Variants in LSM14A observed in about 807,000 individuals in gnomAD.
LSM14A encodes the protein LSM14A mRNA processing body assembly factor.
In LSM14A, 14 loss-of-function variants were observed where a neutral mutation model predicts 52.4. That is an observed-to-expected ratio of 0.27 (90% confidence interval 0.18 to 0.42). The LOEUF (loss-of-function observed/expected upper bound fraction) is 0.42, where lower values mean the gene tolerates loss of function less well. Ranked by LOEUF, LSM14A falls within the 10% of genes least tolerant of loss-of-function variation. The pLI is 1.00. For missense variants in LSM14A, 417 were observed against 581.8 expected (o/e 0.72, Z 2.91); for synonymous variants, 185 against 200.3 (o/e 0.92, Z 0.64).
In LSM14A at chr19:34,172,585, C is replaced by G; in HGVS notation, c.-58C>G. 6.7e-7 allele frequency: 1 copy of G among 1,491,870 alleles called. No individual in the cohort carries two copies. Among genetic ancestry groups the G allele is most frequent in the Non-Finnish European group, 8.9e-7 (1 of 1,121,654 alleles). 92.4% of individuals were successfully genotyped at this position (1,491,870 alleles called of 1,614,324 possible). On this transcript the variant is annotated 5_prime_UTR_variant, in exon 1 of 10. Coordinates refer to ENST00000544216, the MANE Select transcript of LSM14A (RefSeq NM_015578.4). The stretch of plus-strand genomic sequence containing the variant: ...GGAGCGAGCGGGCGTGCGGAGCGGG[C>G]GACAGTGGCGTGGGATCTGCCTCTC...
rs116287946 is a variant in LSM14A at position 34,200,804 on chromosome 19, G to A, written c.415+4041G>A. Among the ~76,000 whole-genome samples, 638 of 152,264 alleles carry A rather than the reference G, an allele frequency of 4.2e-3. 7 individuals carry two copies. The highest frequency in any genetic ancestry group is 0.015 in the African/African-American group (604 of 41,552). Reference sequence around the variant, plus strand: ...AATCAAGATATACTGTATGTTAACTGTAACTTAGAATCCTTTCCTGGGGAT... The same window carrying A: ...AATCAAGATATACTGTATGTTAACTATAACTTAGAATCCTTTCCTGGGGAT... On this transcript the variant is annotated intron_variant, in intron 3 of 9. Transcript: ENST00000544216.
In LSM14A at chr19:34,172,560, G is replaced by C; in HGVS notation, c.-83G>C. 2 of 1,405,692 alleles carry C rather than the reference G, an allele frequency of 1.4e-6. No homozygotes were observed. Among genetic ancestry groups the C allele is most frequent in the East Asian group, 3.1e-5 (1 of 32,644 alleles). 87.1% of individuals were successfully genotyped at this position (1,405,692 alleles called of 1,614,324 possible). ...TGAAGCGGCTGCTGTAGGCGCCGAC[G>C]GAGCGAGCGGGCGTGCGGAGCGGGC... On this transcript the variant is annotated 5_prime_UTR_variant, in exon 1 of 10. Transcript: ENST00000544216.
At chr19:34,224,765 C>G (rs967753653) in intron 9 of LSM14A, among the ~76,000 whole-genome samples, 4 of 152,230 alleles carry the variant, frequency 2.6e-5, no homozygotes, top group Non-Finnish European at 4.4e-5. Flanking sequence ...GATTCCAACT[C>G]CATCCCCATT....
chr19:34,174,878 CTG>C (rs2068972791), intron 1 of LSM14A, among the ~76,000 whole-genome samples: 1 of 152,078 alleles, frequency 6.6e-6, no homozygotes, highest in African/African-American at 2.4e-5. Context: ...AATAAGTTGG[CTG>C]TGTTACCTTT....
chr19:34,172,565 G>T lies in LSM14A; in HGVS notation c.-78G>T. 1 of 1,426,484 alleles carries T rather than the reference G, an allele frequency of 7.0e-7. No individual in the cohort carries two copies. Among genetic ancestry groups the T allele is most frequent in the Non-Finnish European group, 9.2e-7 (1 of 1,087,776 alleles). 88.4% of individuals were successfully genotyped at this position (1,426,484 alleles called of 1,614,324 possible). A position where few individuals can be genotyped will look rare whatever the true frequency, so the allele number is the denominator to read the frequency against. On this transcript the variant is annotated 5_prime_UTR_variant, in exon 1 of 10. Coordinates refer to ENST00000544216, the MANE Select transcript of LSM14A (RefSeq NM_015578.4). ...CGGCTGCTGTAGGCGCCGACGGAGC[G>T]AGCGGGCGTGCGGAGCGGGCGACAG...
At chr19:34,222,283 G>C (rs2073108495) in intron 9 of LSM14A, among the ~76,000 whole-genome samples, 1 of 152,166 alleles carries the variant, frequency 6.6e-6, no homozygotes. Flanking sequence ...ATTTGGTTTT[G>C]TTGAAAATTC....
chr19:34,211,413 T>C (rs1174272896), intron 4 of LSM14A, among the ~76,000 whole-genome samples: 4 of 151,884 alleles, frequency 2.6e-5, no homozygotes, highest in Non-Finnish European at 5.9e-5. Flanking sequence ...TAATAAGAAA[T>C]AAGTTGGTCA....
At chr19:34,201,214 T>C (rs943150049) in intron 3 of LSM14A, among the ~76,000 whole-genome samples, 2 of 152,244 alleles carry the variant, frequency 1.3e-5, no homozygotes, top group African/African-American at 4.8e-5. Flanking sequence ...TTAATTGATT[T>C]CCATATTGGT....
At chr19:34,185,988 T>C (rs773538790) in intron 1 of LSM14A, among the ~76,000 whole-genome samples, 7 of 152,246 alleles carry the variant, frequency 4.6e-5, no homozygotes, top group African/African-American at 9.6e-5. Context: ...TGAGTTTCTT[T>C]TATAATTTAA....
chr19:34,208,686 T>C (rs1568491095), intron 3 of LSM14A: 2 of 356,884 alleles, frequency 5.6e-6, no homozygotes, highest in African/African-American at 2.1e-5. Context: ...CCATGTGTTA[T>C]AAACATTGCT....
In LSM14A at chr19:34,221,589, G is replaced by T. The variant is rs1456876286; in HGVS notation, c.1219G>T (p.Gly407Trp). 1.2e-6 allele frequency: 2 copies of T among 1,614,160 alleles called. No homozygotes were observed. The highest frequency in any genetic ancestry group is 2.2e-5 in the South Asian group (2 of 91,078). Reference sequence around the variant, plus strand: ...CCCACTTCGTCCAAACCGTGGCCGTGGGGGATACAGAGGCAGAGGAGGTCT... The same window carrying T: ...CCCACTTCGTCCAAACCGTGGCCGTTGGGGATACAGAGGCAGAGGAGGTCT... Reference protein sequence around the residue: ...GIPLRPNRGRGGYRGRGGLGF... With the variant: ...GIPLRPNRGRWGYRGRGGLGF... Residue 407 changes from glycine to tryptophan, a missense_variant, in exon 9 of 10, where the codon GGG becomes TGG. By Grantham distance (184) the Gly-to-Trp change is radical. Transcript: ENST00000544216.
At chr19:34,172,979 C>G (rs559609684) in intron 1 of LSM14A, among the ~76,000 whole-genome samples, 2 of 152,196 alleles carry the variant, frequency 1.3e-5, no homozygotes, top group Non-Finnish European at 2.9e-5. Flanking sequence ...GCCTGAAGCC[C>G]GGGGAACTAC....
chr19:34,201,574 C>A (rs1210712304), intron 3 of LSM14A, among the ~76,000 whole-genome samples: 1 of 152,142 alleles, frequency 6.6e-6, no homozygotes, highest in African/African-American at 2.4e-5. Flanking sequence ...AACTCCTGAC[C>A]TCTTGATCCG....
At chr19:34,226,560 CAT>C (rs962176310) in intron 9 of LSM14A, 1 of 1,046,754 alleles carries the variant, frequency 9.6e-7, no homozygotes, top group Non-Finnish European at 1.3e-6. Flanking sequence ...TATGCCATAC[CAT>C]ATGTATTTCA....
At chr19:34,226,375 CTT>C (rs528137318) in intron 9 of LSM14A, 126,531 of 1,131,296 alleles carry the variant, frequency 0.11, 1 homozygote, top group East Asian at 0.14. Flanking sequence ...ATCTCTTTCT[CTT>C]TTTTTTTTTT....
intron 1 of LSM14A, among the ~76,000 whole-genome samples, chr19:34,188,989 T>G (rs2070149709): frequency 6.6e-6 from 1 of 152,160 alleles, no homozygotes; most frequent in Admixed American, 6.6e-5. Context: ...TGGTACTTTG[T>G]TTTGGCAGCC....
intron 1 of LSM14A, among the ~76,000 whole-genome samples, chr19:34,181,370 G>A (rs2069471082): frequency 6.6e-6 from 1 of 152,120 alleles, no homozygotes; most frequent in African/African-American, 2.4e-5. Flanking sequence ...GAAACCCCTT[G>A]AAGAAGTTGT....
intron 9 of LSM14A, among the ~76,000 whole-genome samples, chr19:34,224,309 C>T (rs1206463623): frequency 3.3e-5 from 5 of 152,090 alleles, no homozygotes; most frequent in African/African-American, 9.7e-5. Flanking sequence ...CCAGCCTGGG[C>T]GACAGAGCAA....
chr19:34,175,974 T>C (rs2069061604), intron 1 of LSM14A, among the ~76,000 whole-genome samples: 1 of 151,872 alleles, frequency 6.6e-6, no homozygotes, highest in African/African-American at 2.4e-5. Flanking sequence ...TGCCACAGCC[T>C]TCCGAGTAGC....
Sources: allele counts gnomAD v4.1 joint callset (sites outside exome capture counted in the v4.1 genomes callset), GRCh38; gene constraint gnomAD v4.1.1; transcripts MANE v1.5; gene names NCBI Gene and HGNC (gene_info 2026-07-23, HGNC 2026-07-21).